Variants in RSF1 observed in about 807,000 individuals in gnomAD.
RSF1 encodes HBV pX-associated protein 8.
Under a neutral mutation model 145.2 loss-of-function variants are expected in RSF1, and 13 were observed. That is an observed-to-expected ratio of 0.09 (90% CI 0.06 to 0.14). RSF1 has a LOEUF of 0.14. RSF1 is among the 10% of genes least tolerant of loss of function. The pLI, the probability that RSF1 is intolerant of heterozygous loss-of-function variation, is 1.00. For synonymous variants in RSF1, 577 were observed against 592.6 expected (o/e 0.97, Z 0.38); for missense variants, 1,517 against 1,718.2 (o/e 0.88, Z 2.07).
the RSF1 span, among the ~76,000 whole-genome samples, chr11:77,849,038 C>CTT: frequency 2.1e-5 from 3 of 140,152 alleles, no homozygotes; most frequent in African/African-American, 5.2e-5. Context: ...AGTGGTGCTC[C>CTT]TTTTTTTTTT....
At chr11:77,857,204 C>T in the RSF1 span, among the ~76,000 whole-genome samples, 3 of 152,064 alleles carry the variant, frequency 2.0e-5, no homozygotes, top group African/African-American at 4.8e-5. Flanking sequence ...GGTAGATGAA[C>T]CAAGAGAGGT....
intron 5 of RSF1, among the ~76,000 whole-genome samples, chr11:77,719,535 AATG>A (rs1381424909): frequency 1.3e-5 from 2 of 152,230 alleles, no homozygotes; most frequent in Non-Finnish European, 2.9e-5. Context: ...GACATATAAA[AATG>A]ATGATCCAAA....
chr11:77,769,350 A>G (rs1948259183), intron 1 of RSF1, among the ~76,000 whole-genome samples: 1 of 152,250 alleles, frequency 6.6e-6, no homozygotes, highest in Non-Finnish European at 1.5e-5. Context: ...AAGATTTCTA[A>G]AACAGTTTCA....
rs760382927 is a variant in RSF1, at chr11:77,675,138, G to A, written c.3460C>T (p.Arg1154Trp). The A allele has an allele frequency of 2.5e-6, 4 of 1,614,058 alleles. No individual in the cohort carries two copies. Among genetic ancestry groups the A allele is most frequent in the Admixed American group, 3.3e-5 (2 of 60,002 alleles). The change falls in exon 14 of 16, where the codon CGG becomes TGG. Residue 1154 changes from arginine to tryptophan, a missense_variant. By Grantham distance (101) the Arg-to-Trp change is moderately radical. Transcript: ENST00000308488. Reference protein sequence around the residue: ...CSRRLRRHPSRPMRQSRRLRR... With the variant: ...CSRRLRRHPSWPMRQSRRLRR... ...AAACGCCTGCTCTGCCTCATTGGCC[G>A]AGAGGGGTGTCGCCTCAGTCTACGG...
At chr11:77,682,714 G>A (rs1959896685) in intron 11 of RSF1, among the ~76,000 whole-genome samples, 2 of 152,330 alleles carry the variant, frequency 1.3e-5, no homozygotes, top group South Asian at 4.1e-4. Flanking sequence ...TAACAATCTA[G>A]TGATGAAGAA....
the RSF1 span, chr11:77,831,824 T>C: frequency 6.5e-6 from 1 of 153,974 alleles, no homozygotes; most frequent in Non-Finnish European, 1.4e-5. Context: ...GTCTCCCAAG[T>C]AGCTGGGATT....
chr11:77,843,730 G>A, the RSF1 span, among the ~76,000 whole-genome samples: 1 of 152,080 alleles, frequency 6.6e-6, no homozygotes, highest in Non-Finnish European at 1.5e-5. Context: ...GCATGGTTCT[G>A]GTCCTTGTAT....
intron 1 of RSF1, among the ~76,000 whole-genome samples, chr11:77,766,375 C>T (rs1948225956): frequency 6.6e-6 from 1 of 152,174 alleles, no homozygotes; most frequent in Non-Finnish European, 1.5e-5. Flanking sequence ...TTTGAAACAA[C>T]ACTTTGAAAT....
chr11:77,837,446 T>G, the RSF1 span, among the ~76,000 whole-genome samples: 3 of 149,062 alleles, frequency 2.0e-5, no homozygotes. Flanking sequence ...CTTTGGTTTT[T>G]GTTTGTTTGT....
At chr11:77,869,880 C>G in the RSF1 span, 2 of 1,494,588 alleles carry the variant, frequency 1.3e-6, no homozygotes, top group Non-Finnish European at 1.9e-6. Context: ...CTTTGTCTTA[C>G]AGACTTGTCC....
At chr11:77,696,123 A>C (rs752492429) in intron 7 of RSF1, among the ~76,000 whole-genome samples, 22 of 152,212 alleles carry the variant, frequency 1.4e-4, no homozygotes, top group Admixed American at 2.6e-4. Flanking sequence ...CTGGCCACCT[A>C]ATCAATTTAT....
chr11:77,825,483 G>A (rs544484734), upstream of RSF1, among the ~76,000 whole-genome samples: 2 of 152,200 alleles, frequency 1.3e-5, no homozygotes, highest in South Asian at 2.1e-4. Context: ...TACATGTAGT[G>A]AAAAAGCTAT....
At chr11:77,820,867 A>G (rs1237691136), upstream of RSF1, 1 of 777,058 alleles carries the variant, frequency 1.3e-6, no homozygotes, top group Non-Finnish European at 2.0e-6. Flanking sequence ...GCGATCCCAC[A>G]ATACATCGGC....
intron 9 of RSF1, 59 bp downstream of exon 9, chr11:77,691,100 A>G (rs912202012): frequency 2.0e-6 from 3 of 1,463,900 alleles, no homozygotes; most frequent in Non-Finnish European, 2.9e-6. Context: ...TTATCCATAC[A>G]GTGAGACAAT....
rs1960412824 is a variant in RSF1, at chr11:77,701,186, A to G, written c.2043T>C (p.Asp681=). Residue 681 remains aspartate (D), a synonymous_variant, in exon 6 of 16, where the codon GAT becomes GAC. Transcript: ENST00000308488. The part of the protein sequence containing the change: ...EDSEFTKVEM[D]NLDNAQTSGI... Reference sequence around the variant, plus strand: ...CAGAGGTCTGGGCATTGTCCAGATTATCCATTTCTACCTTTGTGAACTCAG... The same window carrying G: ...CAGAGGTCTGGGCATTGTCCAGATTGTCCATTTCTACCTTTGTGAACTCAG... 6.2e-7 allele frequency: 1 copy of G among 1,614,124 alleles called. No individual in the cohort carries two copies.
chr11:77,762,022 C>CTTTTCTTTTTTCT (rs762740349), intron 2 of RSF1: 1 of 80,256 alleles, frequency 1.2e-5, no homozygotes, highest in Non-Finnish European at 2.3e-5. Flanking sequence ...ATTTTCTTTT[C>CTTTTCTTTTTTCT]TTTTCTTTTT....
chr11:77,738,493 G>A (rs1169029884), intron 4 of RSF1, among the ~76,000 whole-genome samples: 1 of 152,060 alleles, frequency 6.6e-6, no homozygotes, highest in Non-Finnish European at 1.5e-5. Flanking sequence ...TATGTAAAGG[G>A]CTTAAGCATT....
chr11:77,685,344 G>A (rs1433398083), intron 9 of RSF1, among the ~76,000 whole-genome samples, 185 bp from the exon 10 acceptor site: 2 of 152,170 alleles, frequency 1.3e-5, no homozygotes, highest in African/African-American at 4.8e-5. Flanking sequence ...TGCCCAGGGT[G>A]GAGTGCAGTG....
At chr11:77,816,463 T>A (rs917794601) in intron 1 of RSF1, among the ~76,000 whole-genome samples, 1 of 152,196 alleles carries the variant, frequency 6.6e-6, no homozygotes, top group African/African-American at 2.4e-5. Context: ...CGAGTTAAAA[T>A]TCAAATCATT....
Sources: allele counts gnomAD v4.1 joint callset (sites outside exome capture counted in the v4.1 genomes callset), GRCh38; gene constraint gnomAD v4.1.1; transcripts MANE v1.5; gene names NCBI Gene and HGNC (gene_info 2026-07-23, HGNC 2026-07-21).